Variants in GABPB1 observed in about 807,000 individuals in gnomAD.
The protein encoded by GABPB1 is GA binding protein transcription factor subunit beta 1.
Under a neutral mutation model 45.9 loss-of-function variants are expected in GABPB1, and 15 were observed. The observed-to-expected ratio is 0.33, with a 90% CI of 0.22 to 0.50. The LOEUF (loss-of-function observed/expected upper bound fraction) is 0.50, where lower values mean the gene tolerates loss of function less well. Among genes scored for constraint, GABPB1 ranks in the 20% least tolerant of loss-of-function variants. The pLI is 0.98. For synonymous variants in GABPB1, 143 were observed against 154.4 expected (o/e 0.93, Z 0.55); for missense variants, 252 against 457.5 (o/e 0.55, Z 4.10).
At chr15:50,354,458 C>A in intron 1 of GABPB1, 1 of 446,638 alleles carries the variant, frequency 2.2e-6, no homozygotes, top group African/African-American at 2.1e-5. Flanking sequence ...CCAGGACCCG[C>A]CACCCTCGCC....
At chr15:50,331,857 AGTT>A (rs775166877) in intron 1 of GABPB1, among the ~76,000 whole-genome samples, 5 of 148,792 alleles carry the variant, frequency 3.4e-5, no homozygotes, top group Non-Finnish European at 7.4e-5. Flanking sequence ...TGTCCCGTTC[AGTT>A]TTTTTTTTTG....
chr15:50,313,792 T>A (rs887536057), intron 1 of GABPB1, among the ~76,000 whole-genome samples: 22 of 152,260 alleles, frequency 1.4e-4, no homozygotes, highest in African/African-American at 5.1e-4. Context: ...ATGGTATGAT[T>A]ATGGGAAATT....
chr15:50,350,406 T>A (rs566043812), intron 1 of GABPB1: 18 of 147,132 alleles, frequency 1.2e-4, no homozygotes, highest in African/African-American at 4.5e-4. Context: ...CTTTACTACA[T>A]CAAAAAAAAA....
chr15:50,295,803 C>A (rs951314872), intron 6 of GABPB1, among the ~76,000 whole-genome samples: 2 of 152,098 alleles, frequency 1.3e-5, no homozygotes, highest in Admixed American at 1.3e-4. Context: ...TAAAAGTAAT[C>A]TCTTTCCAGT....
chr15:50,285,971 T>A, intron 8 of GABPB1, 97 bp downstream of exon 8: 1 of 1,516,762 alleles, frequency 6.6e-7, no homozygotes, highest in Non-Finnish European at 8.8e-7. Context: ...TCATTCTGTA[T>A]CAAAACAATA....
At chr15:50,282,350 G>A (rs1413375768) in intron 8 of GABPB1, 1 of 450,934 alleles carries the variant, frequency 2.2e-6, no homozygotes, top group Non-Finnish European at 4.4e-6. Flanking sequence ...CTTGAGGCCA[G>A]GAGTCCAAGA....
chr15:50,282,509 G>GC, intron 8 of GABPB1: 1 of 192,950 alleles, frequency 5.2e-6, no homozygotes, highest in Non-Finnish European at 1.0e-5. Context: ...AGCCATGATT[G>GC]CACCACTGCA....
intron 1 of GABPB1, among the ~76,000 whole-genome samples, chr15:50,325,960 T>G (rs1392776718): frequency 6.6e-6 from 1 of 150,678 alleles, no homozygotes; most frequent in Non-Finnish European, 1.5e-5. Flanking sequence ...CAGGCTGGAG[T>G]GCAATGGCAC....
chr15:50,354,434 G>A (rs1271960978), intron 1 of GABPB1: 2 of 449,044 alleles, frequency 4.5e-6, no homozygotes, highest in Admixed American at 4.7e-5. Flanking sequence ...TCTCGGCCCC[G>A]CAGCACAGGG....
At chr15:50,349,204 A>C (rs561433824) in intron 1 of GABPB1, 48 of 146,894 alleles carry the variant, frequency 3.3e-4, no homozygotes, top group African/African-American at 1.2e-3. Flanking sequence ...AAACAGTAAC[A>C]CTTTTGAAGG....
intron 2 of GABPB1, among the ~76,000 whole-genome samples, chr15:50,308,349 G>C (rs2047016156): frequency 6.6e-6 from 1 of 152,124 alleles, no homozygotes; most frequent in African/African-American, 2.4e-5. Context: ...TATGAGTTCA[G>C]GCTGCAAGTG....
chr15:50,284,339 C>T (rs1189536747), intron 8 of GABPB1, among the ~76,000 whole-genome samples: 1 of 152,154 alleles, frequency 6.6e-6, no homozygotes, highest in Non-Finnish European at 1.5e-5. Flanking sequence ...GCAACCTTGG[C>T]TTGAACATTT....
intron 1 of GABPB1, among the ~76,000 whole-genome samples, chr15:50,339,859 C>T (rs1348664781): frequency 6.6e-6 from 1 of 152,088 alleles, no homozygotes; most frequent in Non-Finnish European, 1.5e-5. Context: ...AAAACCTAAT[C>T]TTCCTTCTGC....
chr15:50,320,765 A>C (rs2047541295), intron 1 of GABPB1, among the ~76,000 whole-genome samples: 1 of 152,222 alleles, frequency 6.6e-6, no homozygotes, highest in African/African-American at 2.4e-5. Flanking sequence ...CATTGGGAGC[A>C]GAAGGTCACA....
intron 8 of GABPB1, among the ~76,000 whole-genome samples, chr15:50,284,218 G>A (rs1294126466): frequency 6.6e-6 from 1 of 152,028 alleles, no homozygotes; most frequent in Non-Finnish European, 1.5e-5. Flanking sequence ...TTATTACCTG[G>A]TTTGGTGAAA....
At chr15:50,294,771 C>CT (rs2046456989) in intron 6 of GABPB1, among the ~76,000 whole-genome samples, 1 of 152,020 alleles carries the variant, frequency 6.6e-6, no homozygotes, top group Non-Finnish European at 1.5e-5. Flanking sequence ...AAAGAAGGAA[C>CT]TTTTTTATTT....
chr15:50,351,195 C>T (rs1244253725), intron 1 of GABPB1: 1 of 152,178 alleles, frequency 6.6e-6, no homozygotes, highest in Non-Finnish European at 1.5e-5. Context: ...CCCAAAAAGC[C>T]AACACAATAC....
At chr15:50,331,945 G>A (rs2047963914) in intron 1 of GABPB1, among the ~76,000 whole-genome samples, 1 of 150,528 alleles carries the variant, frequency 6.6e-6, no homozygotes, top group South Asian at 2.1e-4. Flanking sequence ...CATGATCTCT[G>A]CTCACTGCAA....
Position 50,300,436 on chromosome 15 carries a change from G to GTTTCTTTTTTTTTTT in GABPB1, c.697+352_697+353insAAAAAAAAAAAGAAA, listed in dbSNP as rs2046692528. Among the ~76,000 whole-genome samples, 2 of 40,808 alleles carry GTTTCTTTTTTTTTTT rather than the reference G, an allele frequency of 4.9e-5. 1 individual carries two copies. Among genetic ancestry groups the GTTTCTTTTTTTTTTT allele is most frequent in the Non-Finnish European group, 7.9e-5 (2 of 25,408 alleles). 26.8% of individuals were successfully genotyped at this position (40,808 alleles called of 152,430 possible). On this transcript the variant is annotated intron_variant, in intron 6 of 8. Coordinates refer to ENST00000380877, the MANE Select transcript of GABPB1 (RefSeq NM_016654.5). ...ATATTTGAATCTGCAACTGTTTTTGGTTTTTTTTTTTTTTTTTTTTTTTTG... is the reference window on the plus strand; with the variant it reads ...ATATTTGAATCTGCAACTGTTTTTGGTTTCTTTTTTTTTTTTTTTTTTTTTTTTTTTTTTTTTTTG...
Sources: gnomAD v4.1 joint callset for allele counts (sites outside exome capture counted in the v4.1 genomes callset) on GRCh38, gnomAD v4.1.1 for gene constraint, MANE v1.5 for transcripts, NCBI Gene and HGNC (gene_info 2026-07-23, HGNC 2026-07-21) for gene names.